SPECC1: variants seen among roughly 807,000 people sequenced by gnomAD.
SPECC1 encodes the protein sperm antigen with calponin homology and coiled-coil domains 1.
A neutral mutation model predicts 104.1 loss-of-function variants in SPECC1; 62 were observed. That is an observed-to-expected ratio of 0.60 (90% CI 0.49 to 0.74). The LOEUF (loss-of-function observed/expected upper bound fraction) is 0.74, where lower values mean the gene tolerates loss of function less well. Ranked by LOEUF, SPECC1 falls within the 30% of genes least tolerant of loss-of-function variation. The pLI is 0.00. For synonymous variants in SPECC1, 513 were observed against 501.6 expected (o/e 1.02, Z -0.30); for missense variants, 1,306 against 1,310.5 (o/e 1.00, Z 0.05).
intron 4 of SPECC1, among the ~76,000 whole-genome samples, chr17:20,224,775 G>A (rs750612483): frequency 2.1e-4 from 32 of 152,170 alleles, no homozygotes; most frequent in Non-Finnish European, 3.5e-4. Context: ...TTAGGAGCCT[G>A]CTTGGTGCTT....
chr17:20,180,662 A>G (rs1023863200), intron 3 of SPECC1, among the ~76,000 whole-genome samples: 22 of 152,258 alleles, frequency 1.4e-4, no homozygotes, highest in Admixed American at 7.9e-4. Context: ...TGGATAATGC[A>G]TGTCTTGCCT....
intron 3 of SPECC1, among the ~76,000 whole-genome samples, chr17:20,121,371 G>A (rs2542886): frequency 3.6e-5 from 4 of 109,664 alleles, no homozygotes; most frequent in Non-Finnish European, 5.9e-5. Flanking sequence ...TCTTTTTTTT[G>A]TTGTTGTTGT....
At chr17:20,186,400 A>T (rs1270036661) in intron 3 of SPECC1, among the ~76,000 whole-genome samples, 2 of 152,234 alleles carry the variant, frequency 1.3e-5, no homozygotes, top group Non-Finnish European at 2.9e-5. Flanking sequence ...CTGTTGGAGA[A>T]ATGACACTGA....
At chr17:20,238,343 C>T in intron 7 of SPECC1, 1 of 1,039,702 alleles carries the variant, frequency 9.6e-7, no homozygotes, top group Non-Finnish European at 1.2e-6. Context: ...TTTTAAACTT[C>T]TGGAAATATG....
At chr17:20,145,155 G>A (rs561726685) in intron 3 of SPECC1, among the ~76,000 whole-genome samples, 2 of 152,214 alleles carry the variant, frequency 1.3e-5, no homozygotes, top group East Asian at 3.8e-4. Flanking sequence ...AAGTGGTTTA[G>A]TGTAGGAAGA....
chr17:20,304,968 C>G (rs561604239), intron 13 of SPECC1, among the ~76,000 whole-genome samples: 2 of 152,056 alleles, frequency 1.3e-5, no homozygotes, highest in African/African-American at 4.8e-5. Flanking sequence ...AAACCCCAAA[C>G]AAGCAGAAAC....
chr17:20,247,089 A>G, intron 8 of SPECC1, 130 bp from the exon 9 acceptor site: 1 of 624,610 alleles, frequency 1.6e-6, no homozygotes, highest in Non-Finnish European at 2.7e-6. Context: ...GAAAAGGATA[A>G]TAGAGTAAAT....
At position 20,156,068 on chromosome 17, in the gene SPECC1, C is replaced by A. The variant is rs969583286; in HGVS notation, c.283+45506C>A. On this transcript the variant is annotated intron_variant, in intron 3 of 14. Transcript: ENST00000395527. Reference sequence around the variant, plus strand: ...CAGCTGCTGGGAACTGGAAGGCGCCCGGTCCTTTCTTTGACTGGAGCGGAC... The same window carrying A: ...CAGCTGCTGGGAACTGGAAGGCGCCAGGTCCTTTCTTTGACTGGAGCGGAC... 5.3e-6 allele frequency: 7 copies of A among 1,318,476 alleles called. No homozygotes were observed. In the African/African-American group the frequency reaches 9.3e-5, roughly 17 times the overall value. 81.7% of individuals were successfully genotyped at this position (1,318,476 alleles called of 1,614,324 possible).
At chr17:20,159,430 G>A (rs2032928501) in intron 3 of SPECC1, among the ~76,000 whole-genome samples, 1 of 152,246 alleles carries the variant, frequency 6.6e-6, no homozygotes, top group South Asian at 2.1e-4. Flanking sequence ...GACCTCAGTT[G>A]CTTGGACAGG....
At chr17:20,133,096 G>A (rs764095508) in intron 3 of SPECC1, among the ~76,000 whole-genome samples, 1 of 152,074 alleles carries the variant, frequency 6.6e-6, no homozygotes, top group South Asian at 2.1e-4. Context: ...TGTGGAGTCT[G>A]TAGTGATATC....
chr17:20,245,008 A>G (rs571315153), intron 7 of SPECC1, among the ~76,000 whole-genome samples: 1 of 152,324 alleles, frequency 6.6e-6, no homozygotes, highest in African/African-American at 2.4e-5. Flanking sequence ...TGAAGAACAC[A>G]CCAGGAAACT....
intron 3 of SPECC1, among the ~76,000 whole-genome samples, chr17:20,115,527 GT>G (rs2048713599): frequency 6.6e-6 from 1 of 151,752 alleles, no homozygotes; most frequent in African/African-American, 2.4e-5. Context: ...CAAAATATTA[GT>G]GCATAGGATT....
chr17:20,010,433 A>T, intron 1 of SPECC1, among the ~76,000 whole-genome samples: 1 of 152,184 alleles, frequency 6.6e-6, no homozygotes, highest in Non-Finnish European at 1.5e-5. Context: ...TCTGTTATCC[A>T]GTTCCAAACA....
chr17:20,197,832 G>A (rs1420935799), intron 3 of SPECC1, among the ~76,000 whole-genome samples: 4 of 152,102 alleles, frequency 2.6e-5, no homozygotes, highest in East Asian at 1.9e-4. Flanking sequence ...CCCTTGACAC[G>A]GAAAAAGAAA....
chr17:20,162,853 C>G (rs1261355550), intron 3 of SPECC1, among the ~76,000 whole-genome samples: 1 of 152,186 alleles, frequency 6.6e-6, no homozygotes, highest in Non-Finnish European at 1.5e-5. Context: ...CATGGAGAAG[C>G]CTTGTCTCTA....
chr17:20,315,329 T>C lies in SPECC1; in HGVS notation c.*1264T>C. 1 of 232,746 alleles carries C rather than the reference T, an allele frequency of 4.3e-6. No homozygotes were observed. The allele number at this position is 232,746 out of a possible 1,614,324, so 14.4% of individuals were successfully genotyped here. ...TGCAGTTGCCCCAGCATCCTACTGG[T>C]CACCTTAAGTGGCAGCAGAGCCCTC... On this transcript the variant is annotated 3_prime_UTR_variant, in exon 15 of 15. Transcript: ENST00000395527.
chr17:20,169,528 T>G (rs2033922465), intron 3 of SPECC1, among the ~76,000 whole-genome samples: 1 of 148,428 alleles, frequency 6.7e-6, no homozygotes, highest in African/African-American at 2.5e-5. Context: ...CTTTTGGAAT[T>G]TTTTTTTTTT....
chr17:20,097,387 C>T (rs1169798539), intron 2 of SPECC1, among the ~76,000 whole-genome samples: 1 of 152,226 alleles, frequency 6.6e-6, no homozygotes, highest in Non-Finnish European at 1.5e-5. Flanking sequence ...AATTCATAGA[C>T]AGTAGCACCT....
chr17:20,093,247 C>T (rs1360059263), intron 1 of SPECC1, among the ~76,000 whole-genome samples: 1 of 152,156 alleles, frequency 6.6e-6, no homozygotes, highest in East Asian at 1.9e-4. Context: ...TAGATGGAGT[C>T]CTCTTGCAGT....
Sources: gnomAD v4.1 joint callset for allele counts (sites outside exome capture counted in the v4.1 genomes callset) on GRCh38, gnomAD v4.1.1 for gene constraint, MANE v1.5 for transcripts, NCBI Gene and HGNC (gene_info 2026-07-23, HGNC 2026-07-21) for gene names.